EGF: variants seen among roughly 807,000 people sequenced by gnomAD.
EGF encodes epidermal growth factor.
A neutral mutation model predicts 143.8 loss-of-function variants in EGF; 95 were observed. The ratio of observed to expected loss-of-function variants is 0.66; its 90% CI spans 0.56 to 0.78. The LOEUF is 0.78. Among genes scored for constraint, EGF ranks in the 30% least tolerant of loss-of-function variants. The pLI is 0.00. For synonymous variants in EGF, 510 were observed against 510.5 expected (o/e 1.00, Z 0.01); for missense variants, 1,320 against 1,470.9 (o/e 0.90, Z 1.68).
In EGF at chr4:109,963,341, T is replaced by C. The variant is rs988161626; in HGVS notation, c.1438+43T>C. 9.3e-6 allele frequency: 15 copies of C among 1,612,744 alleles called. No individual in the cohort carries two copies. In the Admixed American group the frequency reaches 2.5e-4, roughly 27 times the overall value. On this transcript the variant is annotated intron_variant, in intron 9 of 23. Transcript: ENST00000265171. ...CTGGAACTGTGTCCCTGAAAAAAAA[T>C]TCATGAAAATCTTTTGTTTAGAAAG...
chr4:109,995,056 T>A (rs1751578584), intron 20 of EGF, among the ~76,000 whole-genome samples, 176 bp downstream of exon 20: 1 of 152,234 alleles, frequency 6.6e-6, no homozygotes, highest in Non-Finnish European at 1.5e-5. Flanking sequence ...TCCTTGTGTA[T>A]CACGATGCCC....
At chr4:109,952,493 G>C (rs552204125) in intron 5 of EGF, among the ~76,000 whole-genome samples, 1 of 152,266 alleles carries the variant, frequency 6.6e-6, no homozygotes, top group East Asian at 1.9e-4. Flanking sequence ...GCCAAGGTGG[G>C]AGTCTAATTC....
intron 1 of EGF, among the ~76,000 whole-genome samples, chr4:109,934,298 TC>T (rs774636181): frequency 1.3e-5 from 2 of 152,208 alleles, no homozygotes; most frequent in African/African-American, 2.4e-5. Context: ...GATGGGGTTT[TC>T]TAAATATGCA....
intron 1 of EGF, among the ~76,000 whole-genome samples, chr4:109,919,670 A>G (rs992977442): frequency 3.4e-5 from 5 of 147,962 alleles, no homozygotes; most frequent in Admixed American, 3.3e-4. Flanking sequence ...AACTACTTCC[A>G]GGAGCACTGT....
At chr4:109,946,679 T>G (rs771475105) in intron 5 of EGF, among the ~76,000 whole-genome samples, 1 of 152,216 alleles carries the variant, frequency 6.6e-6, no homozygotes, top group Non-Finnish European at 1.5e-5. Flanking sequence ...TCTATTTTGT[T>G]TGTTTTTTTA....
intron 1 of EGF, among the ~76,000 whole-genome samples, chr4:109,922,100 T>C (rs996947680): frequency 1.3e-5 from 2 of 151,568 alleles, no homozygotes; most frequent in Non-Finnish European, 2.9e-5. Flanking sequence ...CTCCTTGGTG[T>C]GCAAGGAAAT....
At chr4:110,009,014 T>G (rs1382659858) in intron 23 of EGF, among the ~76,000 whole-genome samples, 1 of 152,212 alleles carries the variant, frequency 6.6e-6, no homozygotes, top group African/African-American at 2.4e-5. Context: ...CAACTCCAAT[T>G]GAATTTTCTA....
At chr4:109,918,255 GT>G (rs36009201) in intron 1 of EGF, among the ~76,000 whole-genome samples, 321 of 143,394 alleles carry the variant, frequency 2.2e-3, no homozygotes, top group African/African-American at 3.2e-3. Flanking sequence ...GCTAGGTGTG[GT>G]TTTTTTTTTT....
At chr4:109,969,263 T>G in intron 11 of EGF, 144 bp downstream of exon 11, 1 of 1,037,552 alleles carries the variant, frequency 9.6e-7, no homozygotes, top group Non-Finnish European at 1.5e-6. Context: ...ACCATTGCGG[T>G]CCACACTCCC....
intron 11 of EGF, among the ~76,000 whole-genome samples, chr4:109,971,181 A>C (rs1747591433): frequency 6.6e-6 from 1 of 152,114 alleles, no homozygotes; most frequent in Non-Finnish European, 1.5e-5. Flanking sequence ...AAAGATGGCC[A>C]TTTGCAAAGC....
chr4:109,983,822 C>CA (rs1419440884), intron 16 of EGF, among the ~76,000 whole-genome samples: 1 of 152,160 alleles, frequency 6.6e-6, no homozygotes, highest in African/African-American at 2.4e-5. Context: ...AAACACAGGA[C>CA]AACATATTTG....
At chr4:109,962,070 A>G in intron 8 of EGF, 85 bp downstream of exon 8, 1 of 1,585,156 alleles carries the variant, frequency 6.3e-7, no homozygotes, top group Non-Finnish European at 8.6e-7. Context: ...CTTGTTGTCA[A>G]GGAAGAATTG....
intron 1 of EGF, among the ~76,000 whole-genome samples, chr4:109,919,730 T>C (rs1737446131): frequency 6.6e-6 from 1 of 151,386 alleles, no homozygotes; most frequent in African/African-American, 2.5e-5. Context: ...GGAGAGCTCT[T>C]GATGGGGTAA....
chr4:109,932,542 C>G (rs1739968832), intron 1 of EGF, among the ~76,000 whole-genome samples: 1 of 151,158 alleles, frequency 6.6e-6, no homozygotes, highest in Non-Finnish European at 1.5e-5. Flanking sequence ...CCATGCCTGG[C>G]TAATTTTTTG....
intron 6 of EGF, among the ~76,000 whole-genome samples, chr4:109,960,073 C>T (rs1473424201): frequency 2.0e-5 from 3 of 152,124 alleles, no homozygotes; most frequent in African/African-American, 7.2e-5. Flanking sequence ...TTAATTATAA[C>T]CCCCTGCTTA....
At chr4:109,936,913 A>T (rs1349509274) in intron 1 of EGF, among the ~76,000 whole-genome samples, 1 of 151,702 alleles carries the variant, frequency 6.6e-6, no homozygotes, top group Non-Finnish European at 1.5e-5. Flanking sequence ...GACTGTTACA[A>T]TTTCTGTTCT....
At chr4:109,925,996 T>C (rs1178270800) in intron 1 of EGF, among the ~76,000 whole-genome samples, 9 of 152,246 alleles carry the variant, frequency 5.9e-5, no homozygotes, top group Admixed American at 5.9e-4. Context: ...CTCTTTATAA[T>C]ACTTTGTACT....
rs924227349 is a variant in EGF at position 109,935,779 on chromosome 4, G to A, written c.128-5167G>A. On this transcript the variant is annotated intron_variant, in intron 1 of 23. Coordinates refer to ENST00000265171, the MANE Select transcript of EGF (RefSeq NM_001963.6). ...AAGGGTGTTGAATTTTATCGAAGGC[G>A]TTTTCTGCATCTATTGAGATAATCG... Among the ~76,000 whole-genome samples, 19 of 152,100 alleles carry A rather than the reference G, an allele frequency of 1.2e-4. No homozygotes were observed. In the South Asian group the frequency reaches 1.9e-3, roughly 15 times the overall value.
chr4:109,949,731 A>G (rs1743518700), intron 5 of EGF, among the ~76,000 whole-genome samples: 1 of 152,082 alleles, frequency 6.6e-6, no homozygotes, highest in African/African-American at 2.4e-5. Context: ...TAATTGACTT[A>G]AAACATGGGA....
Sources: allele counts gnomAD v4.1 joint callset (sites outside exome capture counted in the v4.1 genomes callset), GRCh38; gene constraint gnomAD v4.1.1; transcripts MANE v1.5; gene names NCBI Gene and HGNC (gene_info 2026-07-23, HGNC 2026-07-21).